Variants in ADGRB3 observed in about 807,000 individuals in gnomAD.
ADGRB3 encodes the protein adhesion G protein-coupled receptor B3.
Under a neutral mutation model 193.4 loss-of-function variants are expected in ADGRB3, and 37 were observed. The ratio of observed to expected loss-of-function variants is 0.19; its 90% confidence interval spans 0.15 to 0.25. ADGRB3 has a LOEUF of 0.25. Ranked by LOEUF, ADGRB3 falls within the 10% of genes least tolerant of loss-of-function variation. ADGRB3 has a pLI of 1.00. For missense variants in ADGRB3, 1,637 were observed against 1,852.9 expected (o/e 0.88, Z 2.14); for synonymous variants, 690 against 644.2 (o/e 1.07, Z -1.08).
chr6:69,238,682 GT>G (rs2127260142), intron 19 of ADGRB3, among the ~76,000 whole-genome samples: 1 of 151,964 alleles, frequency 6.6e-6, no homozygotes, highest in South Asian at 2.1e-4. Context: ...CACAATTTGA[GT>G]TTTTTCTTTT....
chr6:69,037,122 T>C (rs574825336), intron 13 of ADGRB3, among the ~76,000 whole-genome samples: 1 of 152,190 alleles, frequency 6.6e-6, no homozygotes, highest in African/African-American at 2.4e-5. Context: ...GGGTGGGTTG[T>C]AGGGGGCGAA....
intron 17 of ADGRB3, among the ~76,000 whole-genome samples, chr6:69,097,668 A>C: frequency 6.6e-6 from 1 of 151,676 alleles, no homozygotes; most frequent in East Asian, 1.9e-4. Flanking sequence ...ACATATATGT[A>C]TGTCTCTGTG....
At chr6:69,044,827 C>A (rs1305341076) in intron 13 of ADGRB3, among the ~76,000 whole-genome samples, 1 of 152,144 alleles carries the variant, frequency 6.6e-6, no homozygotes, top group East Asian at 1.9e-4. Flanking sequence ...TGTTCAGGGA[C>A]ACTGAGTCCT....
chr6:68,648,140 G>A (rs17502590), intron 3 of ADGRB3, among the ~76,000 whole-genome samples: 3,371 of 152,234 alleles, frequency 0.022, 57 homozygotes, highest in Non-Finnish European at 0.034. Flanking sequence ...GTTTAATAAA[G>A]TATTTCTAGT....
chr6:69,286,112 A>G (rs1025007351), intron 20 of ADGRB3, among the ~76,000 whole-genome samples: 11 of 152,090 alleles, frequency 7.2e-5, no homozygotes, highest in African/African-American at 2.7e-4. Flanking sequence ...GGAAGAGTAG[A>G]TAAAGAAGAC....
At chr6:69,115,614 G>T (rs370602378) in intron 17 of ADGRB3, among the ~76,000 whole-genome samples, 1 of 152,124 alleles carries the variant, frequency 6.6e-6, no homozygotes, top group East Asian at 1.9e-4. Context: ...ATTAAATAAA[G>T]AAAGAAATAA....
intron 3 of ADGRB3, among the ~76,000 whole-genome samples, chr6:68,755,510 G>T (rs796185845): frequency 3.9e-5 from 6 of 152,180 alleles, no homozygotes; most frequent in African/African-American, 1.2e-4. Flanking sequence ...GGAATTAGGA[G>T]GTAAGGCCAC....
At chr6:69,013,903 G>A in intron 11 of ADGRB3, 135 bp from the exon 12 acceptor site, 1 of 475,814 alleles carries the variant, frequency 2.1e-6, no homozygotes, top group Non-Finnish European at 3.7e-6. Flanking sequence ...TGATCTTCTA[G>A]AATACTATGT....
At chr6:68,687,959 T>C (rs1482634055) in intron 3 of ADGRB3, among the ~76,000 whole-genome samples, 2 of 152,166 alleles carry the variant, frequency 1.3e-5, no homozygotes, top group Non-Finnish European at 2.9e-5. Flanking sequence ...AGAAGAACAA[T>C]ATAATTTTTC....
chr6:68,943,814 C>T lies in ADGRB3; in HGVS notation c.1031-16C>T. ...TGCTCTGCTTTTGTTGTTGAAGCTT[C>T]TTTGCTTTATTACAGTACACGGAGT... On this transcript the variant is annotated splice_polypyrimidine_tract_variant and intron_variant, in intron 5 of 31. Transcript: ENST00000370598. 1 of 1,567,864 alleles carries T rather than the reference C, an allele frequency of 6.4e-7. No individual in the cohort carries two copies. Among genetic ancestry groups the T allele is most frequent in the Non-Finnish European group, 8.7e-7 (1 of 1,150,488 alleles).
At chr6:69,279,132 T>G (rs1447774180) in intron 20 of ADGRB3, among the ~76,000 whole-genome samples, 3 of 136,264 alleles carry the variant, frequency 2.2e-5, no homozygotes, top group African/African-American at 8.1e-5. Context: ...CTCCTCAACT[T>G]ATGATGGGGT....
intron 3 of ADGRB3, among the ~76,000 whole-genome samples, chr6:68,790,911 AC>A (rs1695459568): frequency 6.6e-6 from 1 of 152,120 alleles, no homozygotes; most frequent in Non-Finnish European, 1.5e-5. Context: ...GCAGCTCCTC[AC>A]CATTTATGAC....
chr6:69,261,774 A>G (rs2127273737), intron 20 of ADGRB3, among the ~76,000 whole-genome samples: 1 of 152,204 alleles, frequency 6.6e-6, no homozygotes, highest in Middle Eastern at 3.4e-3. Context: ...AAGCATTTTT[A>G]CATTTCTGAG....
At chr6:69,271,027 A>T (rs1261560969) in intron 20 of ADGRB3, among the ~76,000 whole-genome samples, 1 of 152,238 alleles carries the variant, frequency 6.6e-6, no homozygotes, top group African/African-American at 2.4e-5. Flanking sequence ...ATAAAAATAT[A>T]ATAATTTGCA....
intron 3 of ADGRB3, among the ~76,000 whole-genome samples, chr6:68,752,458 T>C (rs967932927): frequency 6.6e-6 from 1 of 151,940 alleles, no homozygotes; most frequent in Non-Finnish European, 1.5e-5. Flanking sequence ...ATATTTTTAG[T>C]AGAGATGTTT....
chr6:69,242,337 A>G (rs766895668), intron 20 of ADGRB3, among the ~76,000 whole-genome samples: 7 of 151,846 alleles, frequency 4.6e-5, no homozygotes, highest in Non-Finnish European at 7.4e-5. Context: ...TCAGATTTGT[A>G]TCTTTGACTT....
chr6:69,200,763 G>A (rs144859783), intron 17 of ADGRB3, among the ~76,000 whole-genome samples: 197 of 152,052 alleles, frequency 1.3e-3, no homozygotes, highest in Non-Finnish European at 8.4e-4. Flanking sequence ...AAATCTACAC[G>A]CAAGAAGCTT....
chr6:68,853,970 C>A (rs1329993009), intron 3 of ADGRB3, among the ~76,000 whole-genome samples: 1 of 152,124 alleles, frequency 6.6e-6, no homozygotes, highest in Non-Finnish European at 1.5e-5. Context: ...CTGTACAGAT[C>A]TTTTATTAAT....
At chr6:69,051,964 C>T (rs976424883) in intron 15 of ADGRB3, among the ~76,000 whole-genome samples, 6 of 152,048 alleles carry the variant, frequency 3.9e-5, no homozygotes, top group South Asian at 2.1e-4. Context: ...GCGCGATCTC[C>T]GCTCACTGCA....
Sources: gnomAD v4.1 joint callset for allele counts (sites outside exome capture counted in the v4.1 genomes callset) on GRCh38, gnomAD v4.1.1 for gene constraint, MANE v1.5 for transcripts, NCBI Gene and HGNC (gene_info 2026-07-23, HGNC 2026-07-21) for gene names.